The following CHMP1A variants were observed in gnomAD, a reference collection of about 807,000 sequenced individuals.
CHMP1A encodes VPS46 homolog A.
Under a neutral mutation model 27.0 loss-of-function variants are expected in CHMP1A, and 17 were observed. The observed-to-expected ratio is 0.63, with a 90% CI of 0.43 to 0.95. The LOEUF is 0.95. CHMP1A is among the 40% of genes least tolerant of loss of function. The pLI is 0.00. For missense variants in CHMP1A, 275 were observed against 264.0 expected (o/e 1.04, Z -0.29); for synonymous variants, 131 against 107.5 (o/e 1.22, Z -1.35).
chr16:89,653,777 C>G (rs1419316504), intron 2 of CHMP1A, 127 bp downstream of exon 2: 1 of 958,516 alleles, frequency 1.0e-6, no homozygotes, highest in Non-Finnish European at 1.7e-6. Context: ...GCAGTCTGAG[C>G]CCTGTGTGGC....
In CHMP1A at chr16:89,656,150, T is replaced by A. The variant is rs114902812; in HGVS notation, c.7+1432A>T. ...TTCACACTTCTAACTAAAAGAATTT[T>A]TTTTGAGACGGAGTCTCGCTCTGTC... On this transcript the variant is annotated intron_variant, in intron 1 of 6. Transcript: ENST00000397901. 2.3e-3 allele frequency among the ~76,000 whole-genome samples: 353 copies of A among 152,352 alleles called. 2 individuals are homozygous for A. The highest frequency in any genetic ancestry group is 8.2e-3 in the African/African-American group (340 of 41,578).
chr16:89,654,288 T>A (rs1173219001), intron 1 of CHMP1A, among the ~76,000 whole-genome samples: 1 of 152,246 alleles, frequency 6.6e-6, no homozygotes, highest in East Asian at 1.9e-4. Context: ...TTATAATTAA[T>A]GCAACTTTGC....
At chr16:89,647,360 C>A in intron 4 of CHMP1A, 29 bp from the exon 5 acceptor site, 2 of 1,592,098 alleles carry the variant, frequency 1.3e-6, no homozygotes, top group Non-Finnish European at 1.7e-6. Context: ...CAGGAGGGAA[C>A]AGGATGAAAG....
At chr16:89,653,464 TA>T (rs957649390) in intron 2 of CHMP1A, among the ~76,000 whole-genome samples, 3 of 147,180 alleles carry the variant, frequency 2.0e-5, no homozygotes, top group South Asian at 2.2e-4. Flanking sequence ...ATTAAAAATG[TA>T]AAAAAAAATT....
At position 89,647,319 on chromosome 16, in the gene CHMP1A, T is replaced by C. The variant is rs1424783579; in HGVS notation, c.265A>G (p.Met89Val). The change falls in exon 5 of 7, where the codon ATG becomes GTG. Residue 89 changes from methionine to valine, a missense_variant. Met to Val is a conservative substitution (Grantham distance 21). Coordinates refer to ENST00000397901, the MANE Select transcript of CHMP1A (RefSeq NM_002768.5). ...AVTMKGVTKNMAQVTKALDKA... is the reference protein window; with the variant it reads ...AVTMKGVTKNVAQVTKALDKA... ...TCCAGGGCTTTGGTCACCTGGGCCA[T>C]ATTCTTGGTCACCTGAGACAGGAGA... The C allele has an allele frequency of 5.0e-6, 8 of 1,609,072 alleles. No homozygotes were observed. Among genetic ancestry groups the C allele is most frequent in the Non-Finnish European group, 6.0e-6 (7 of 1,176,436 alleles).
intron 5 of CHMP1A, 92 bp from the exon 6 acceptor site, chr16:89,646,806 C>A (rs1348075316): frequency 7.5e-7 from 1 of 1,340,120 alleles, no homozygotes; most frequent in Admixed American, 2.0e-5. Context: ...CTTTTCGTTC[C>A]CTCACACAGC....
intron 3 of CHMP1A, 37 bp downstream of exon 3, chr16:89,651,532 C>G (rs2059823678): frequency 2.5e-6 from 4 of 1,599,194 alleles, no homozygotes; most frequent in Non-Finnish European, 2.6e-6. Flanking sequence ...GAAGACAAAC[C>G]AGGAGAGTCA....
intron 1 of CHMP1A, among the ~76,000 whole-genome samples, chr16:89,656,862 G>A (rs1400696507): frequency 6.6e-6 from 1 of 151,454 alleles, no homozygotes; most frequent in Non-Finnish European, 1.5e-5. Context: ...GGCGCCTGAC[G>A]CTGAGGAGTG....
Position 89,656,827 on chromosome 16 carries a change from C to A in CHMP1A, c.7+755G>T, listed in dbSNP as rs77936256. 0.024 allele frequency among the ~76,000 whole-genome samples: 3,654 copies of A among 152,204 alleles called. 655 individuals carry two copies. The East Asian group carries it at 0.5, about 21-fold the overall frequency. ...AAAGGCCGAACAGGCATCGCACAGT[C>A]CCCCCTACCGAGCTGGCGGGAAAGG... On this transcript the variant is annotated intron_variant, in intron 1 of 6. Coordinates refer to ENST00000397901, the MANE Select transcript of CHMP1A (RefSeq NM_002768.5).
intron 4 of CHMP1A, among the ~76,000 whole-genome samples, chr16:89,648,916 T>C (rs937458066): frequency 1.3e-5 from 2 of 151,504 alleles, no homozygotes; most frequent in African/African-American, 4.9e-5. Flanking sequence ...TCTCAGCTAC[T>C]TGCGAGGCTG....
intron 5 of CHMP1A, 21 bp downstream of exon 5, chr16:89,647,182 C>G (rs780380863): frequency 1.2e-6 from 2 of 1,606,384 alleles, no homozygotes; most frequent in East Asian, 4.5e-5. Context: ...GGCCACAGCC[C>G]CAAGGGTAGG....
chr16:89,655,474 C>G (rs2059858013), intron 1 of CHMP1A, among the ~76,000 whole-genome samples: 2 of 151,678 alleles, frequency 1.3e-5, no homozygotes, highest in African/African-American at 2.4e-5. Context: ...TTTCCCTCAC[C>G]TCAGCTTTCC....
In CHMP1A at chr16:89,645,695, T is replaced by G. The variant is rs1427463507; in HGVS notation, c.*371A>C. On this transcript the variant is annotated 3_prime_UTR_variant, in exon 7 of 7. Transcript: ENST00000397901. Reference sequence around the variant, plus strand: ...GTGCGGAGAGGCCTCAGGGAGTTGTTTGGCAACAGGGCAGCCCTGACCCCC... The same window carrying G: ...GTGCGGAGAGGCCTCAGGGAGTTGTGTGGCAACAGGGCAGCCCTGACCCCC... 5.2e-6 allele frequency: 2 copies of G among 383,060 alleles called. No individual in the cohort carries two copies. Among genetic ancestry groups the G allele is most frequent in the South Asian group, 2.2e-5 (1 of 45,522 alleles). 23.7% of individuals were successfully genotyped at this position (383,060 alleles called of 1,614,324 possible). A position where few individuals can be genotyped will look rare whatever the true frequency, so the allele number is the denominator to read the frequency against.
chr16:89,646,692 G>C lies in CHMP1A; in HGVS notation c.404C>G (p.Ser135Trp). Residue 135 changes from serine (S) to tryptophan (W), a missense_variant, in exon 6 of 7, where the codon TCG becomes TGG. Transcript: ENST00000397901. ...HTSVMEDSMS[S>W]ATTLTTPQEQ... The stretch of plus-strand genomic sequence containing the variant: ...CTGCGGCGTGGTCAGGGTGGTGGCC[G>C]AGCTCATGGAGTCCTCCATCACCTG... 1 of 1,609,752 alleles carries C rather than the reference G, an allele frequency of 6.2e-7. No individual in the cohort carries two copies. The highest frequency in any genetic ancestry group is 1.3e-5 in the African/African-American group (1 of 74,998).
chr16:89,649,617 CCAGGCTGGAGTG>C, intron 3 of CHMP1A, 120 bp from the exon 4 acceptor site: 1 of 1,277,964 alleles, frequency 7.8e-7, no homozygotes, highest in Admixed American at 2.2e-5. Flanking sequence ...GCTCTGTTGC[CCAGGCTGGAGTG>C]CAGTGGCACG....
In CHMP1A at chr16:89,646,507, G is replaced by A. The variant is rs747670061; in HGVS notation, c.569+20C>T. The A allele has an allele frequency of 4.4e-5, 69 of 1,553,172 alleles. No individual in the cohort carries two copies. The South Asian group carries it at 5.1e-4, about 11-fold the overall frequency. ...CAGAGCGTGGGGTTGGTGACACAGC[G>A]TTTCGGGGACCGACCCTACCTCCGT... On this transcript the variant is annotated intron_variant, in intron 6 of 6. Coordinates refer to ENST00000397901, the MANE Select transcript of CHMP1A (RefSeq NM_002768.5).
intron 1 of CHMP1A, among the ~76,000 whole-genome samples, chr16:89,655,960 G>A (rs981131893): frequency 1.3e-5 from 2 of 151,826 alleles, no homozygotes; most frequent in African/African-American, 4.8e-5. Context: ...GTGAGCCACC[G>A]CGCCCGGCCT....
At chr16:89,654,960 A>G (rs2059853248) in intron 1 of CHMP1A, among the ~76,000 whole-genome samples, 1 of 151,910 alleles carries the variant, frequency 6.6e-6, no homozygotes, top group African/African-American at 2.4e-5. Flanking sequence ...AAAAGAAAAA[A>G]TATTTTTTTT....
chr16:89,652,035 A>C (rs992645038), intron 2 of CHMP1A, among the ~76,000 whole-genome samples: 1 of 152,258 alleles, frequency 6.6e-6, no homozygotes, highest in African/African-American at 2.4e-5. Context: ...AACTCATTTC[A>C]GGCTACCCCC....
Sources: allele counts gnomAD v4.1 joint callset (sites outside exome capture counted in the v4.1 genomes callset), GRCh38; gene constraint gnomAD v4.1.1; transcripts MANE v1.5; gene names NCBI Gene and HGNC (gene_info 2026-07-23, HGNC 2026-07-21).